The following CSNK2A2IP variants were observed in gnomAD, a reference collection of about 807,000 sequenced individuals.
CSNK2A2IP encodes casein kinase II subunit alpha'-interacting protein.
the CSNK2A2IP span, among the ~76,000 whole-genome samples, chr3:88,382,326 A>G: frequency 2.6e-5 from 4 of 152,180 alleles, no homozygotes; most frequent in Non-Finnish European, 5.9e-5. Context: ...CTGTGACATG[A>G]GTCTGTGATA....
At chr3:88,412,865 T>C in the CSNK2A2IP span, among the ~76,000 whole-genome samples, 1 of 152,042 alleles carries the variant, frequency 6.6e-6, no homozygotes, top group Non-Finnish European at 1.5e-5. Context: ...AAATACAGAA[T>C]TATAATTTTT....
the CSNK2A2IP span, among the ~76,000 whole-genome samples, chr3:88,405,481 T>C: frequency 1.3e-5 from 2 of 152,200 alleles, no homozygotes; most frequent in African/African-American, 4.8e-5. Flanking sequence ...CTCTGCGTCT[T>C]GATCAAAAGT....
chr3:88,386,425 C>G, the CSNK2A2IP span, among the ~76,000 whole-genome samples: 1 of 152,128 alleles, frequency 6.6e-6, no homozygotes, highest in African/African-American at 2.4e-5. Context: ...CGTACCCAGC[C>G]GCAATACTCA....
the CSNK2A2IP span, among the ~76,000 whole-genome samples, chr3:88,397,990 A>G: frequency 6.6e-6 from 1 of 152,104 alleles, no homozygotes; most frequent in African/African-American, 2.4e-5. Flanking sequence ...AGCTTTTTGG[A>G]TAGGAACCAT....
At chr3:88,341,239 T>C in the CSNK2A2IP span, among the ~76,000 whole-genome samples, 1 of 151,886 alleles carries the variant, frequency 6.6e-6, no homozygotes, top group African/African-American at 2.4e-5. Context: ...TCAGAGGCTA[T>C]TTTCTTTCAA....
chr3:88,443,047 A>C, the CSNK2A2IP span, among the ~76,000 whole-genome samples: 7 of 152,150 alleles, frequency 4.6e-5, no homozygotes, highest in Non-Finnish European at 7.4e-5. Context: ...ATAATGCTAA[A>C]ATCCAAATTC....
chr3:88,464,358 T>C, the CSNK2A2IP span, among the ~76,000 whole-genome samples: 1 of 150,060 alleles, frequency 6.7e-6, no homozygotes, highest in African/African-American at 2.4e-5. Context: ...AGAAAGAAAA[T>C]CCTGAACATC....
chr3:88,388,883 C>T, the CSNK2A2IP span, among the ~76,000 whole-genome samples: 48 of 151,996 alleles, frequency 3.2e-4, no homozygotes, highest in African/African-American at 1.1e-3. Context: ...TGGTTTAATA[C>T]CAAATAATAG....
the CSNK2A2IP span, among the ~76,000 whole-genome samples, chr3:88,456,373 A>T: frequency 4.6e-5 from 7 of 152,008 alleles, no homozygotes; most frequent in African/African-American, 1.7e-4. Context: ...TTCTTTTATC[A>T]GTTGTTTTAT....
the CSNK2A2IP span, among the ~76,000 whole-genome samples, chr3:88,373,045 A>T: frequency 6.6e-6 from 1 of 151,532 alleles, no homozygotes; most frequent in Non-Finnish European, 1.5e-5. Context: ...GCTGTAAATT[A>T]TGTTTCTCTT....
At chr3:88,394,197 G>A in the CSNK2A2IP span, among the ~76,000 whole-genome samples, 1 of 152,184 alleles carries the variant, frequency 6.6e-6, no homozygotes, top group African/African-American at 2.4e-5. Flanking sequence ...AATGATATGT[G>A]TATGTTCACC....
At chr3:88,465,533 G>A in the CSNK2A2IP span, 5 of 1,231,490 alleles carry the variant, frequency 4.1e-6, no homozygotes, top group Middle Eastern at 3.1e-4. Context: ...CCTCCACTGG[G>A]CTCCAATAAG....
the CSNK2A2IP span, among the ~76,000 whole-genome samples, chr3:88,352,343 G>A: frequency 2.0e-5 from 3 of 151,978 alleles, no homozygotes; most frequent in African/African-American, 7.3e-5. Context: ...AATTGAGAAT[G>A]CACCCTTTGA....
the CSNK2A2IP span, among the ~76,000 whole-genome samples, chr3:88,430,563 T>A: frequency 7.2e-5 from 11 of 151,922 alleles, no homozygotes; most frequent in African/African-American, 2.4e-4. Context: ...AACATACTGA[T>A]GAGACAAAGA....
At chr3:88,359,939 G>A in the CSNK2A2IP span, among the ~76,000 whole-genome samples, 1 of 152,012 alleles carries the variant, frequency 6.6e-6, no homozygotes, top group Non-Finnish European at 1.5e-5. Context: ...TAGATGATCT[G>A]TCCATTGCTG....
the CSNK2A2IP span, among the ~76,000 whole-genome samples, chr3:88,413,443 T>C: frequency 1.3e-5 from 2 of 152,020 alleles, no homozygotes; most frequent in Non-Finnish European, 2.9e-5. Flanking sequence ...GAACTGTGTA[T>C]TAAATAATAC....
the CSNK2A2IP span, among the ~76,000 whole-genome samples, chr3:88,452,148 A>G: frequency 2.0e-5 from 3 of 150,966 alleles, no homozygotes; most frequent in African/African-American, 7.3e-5. Flanking sequence ...CCTAATCTCC[A>G]ATCTTTCTCA....
At chr3:88,408,623 AT>A in the CSNK2A2IP span, among the ~76,000 whole-genome samples, 1 of 152,028 alleles carries the variant, frequency 6.6e-6, no homozygotes, top group Non-Finnish European at 1.5e-5. Flanking sequence ...AAAGTACTCT[AT>A]TAACTGTCCC....
chr3:88,422,808 A>G, the CSNK2A2IP span, among the ~76,000 whole-genome samples: 3 of 152,196 alleles, frequency 2.0e-5, no homozygotes, highest in Non-Finnish European at 4.4e-5. Flanking sequence ...CCCTTTAAAA[A>G]TATTTACTTT....
Sources: allele counts gnomAD v4.1 joint callset (sites outside exome capture counted in the v4.1 genomes callset), GRCh38; gene constraint gnomAD v4.1.1; transcripts MANE v1.5; gene names NCBI Gene and HGNC (gene_info 2026-07-23, HGNC 2026-07-21).